The following CHD9 variants were observed in gnomAD, a reference collection of about 807,000 sequenced individuals.
The protein encoded by CHD9 is ATP-dependent chromatin remodeler CHD9.
In CHD9, 77 loss-of-function variants were observed where a neutral mutation model predicts 316.1. The observed-to-expected ratio is 0.24, with a 90% CI of 0.20 to 0.29. The LOEUF (loss-of-function observed/expected upper bound fraction) is 0.29. Among genes scored for constraint, CHD9 ranks in the 10% least tolerant of loss-of-function variants. The pLI, the probability that CHD9 is intolerant of heterozygous loss-of-function variation, is 1.00. For synonymous variants in CHD9, 1,129 were observed against 1,158.3 expected (o/e 0.97, Z 0.51); for missense variants, 2,763 against 3,438.1 (o/e 0.80, Z 4.91).
chr16:53,306,372 T>C lies in CHD9; in HGVS notation c.6755T>C (p.Met2252Thr). The change falls in exon 32 of 39, where the codon ATG becomes ACG. Residue 2252 changes from methionine to threonine, a missense_variant. Coordinates refer to ENST00000447540, the MANE Select transcript of CHD9 (RefSeq NM_001308319.2). ...ESAYILQGGYMLAASYWPKDR... is the reference protein window; with the variant it reads ...ESAYILQGGYTLAASYWPKDR... ...GCTTATATCTTACAAGGTGGATATATGCTGGCAGCCTCGTATTGGCCAAAG... is the reference window on the plus strand; with the variant it reads ...GCTTATATCTTACAAGGTGGATATACGCTGGCAGCCTCGTATTGGCCAAAG... The C allele has an allele frequency of 1.3e-6, 2 of 1,597,240 alleles. No homozygotes were observed. Among genetic ancestry groups the C allele is most frequent in the Non-Finnish European group, 1.7e-6 (2 of 1,174,502 alleles).
At chr16:53,288,822 T>G (rs911036528) in intron 27 of CHD9, among the ~76,000 whole-genome samples, 2 of 152,064 alleles carry the variant, frequency 1.3e-5, no homozygotes, top group Non-Finnish European at 2.9e-5. Context: ...TAGACCCACC[T>G]TCTCTTGAGT....
chr16:53,199,433 T>G (rs1272544469), intron 2 of CHD9, among the ~76,000 whole-genome samples: 1 of 152,210 alleles, frequency 6.6e-6, no homozygotes, highest in African/African-American at 2.4e-5. Flanking sequence ...TTTCACCTTT[T>G]GTTTTACTTA....
chr16:53,062,509 A>T (rs1165244506), intron 1 of CHD9, among the ~76,000 whole-genome samples: 2 of 152,184 alleles, frequency 1.3e-5, no homozygotes, highest in Admixed American at 6.5e-5. Context: ...TGGGAGGTAC[A>T]CGCAGGGAGG....
intron 1 of CHD9, among the ~76,000 whole-genome samples, chr16:53,072,276 T>G (rs1229114683): frequency 1.3e-5 from 2 of 151,550 alleles, no homozygotes; most frequent in Non-Finnish European, 2.9e-5. Context: ...CCAAAACTCA[T>G]TTTTCCATTT....
chr16:53,257,311 A>T (rs1270916766), intron 19 of CHD9, among the ~76,000 whole-genome samples: 5 of 152,196 alleles, frequency 3.3e-5, no homozygotes, highest in Non-Finnish European at 7.3e-5. Flanking sequence ...ATTTTGAGGA[A>T]TTTGAAATTG....
At chr16:53,228,936 A>G (rs1180809001) in intron 7 of CHD9, 47 bp from the exon 8 acceptor site, 2 of 868,734 alleles carry the variant, frequency 2.3e-6, no homozygotes, top group Non-Finnish European at 3.5e-6. Flanking sequence ...ACATCTTAAA[A>G]TGGTTATCTG....
At chr16:53,118,544 C>CT (rs2038494026) in intron 1 of CHD9, among the ~76,000 whole-genome samples, 1 of 152,190 alleles carries the variant, frequency 6.6e-6, no homozygotes, top group Non-Finnish European at 1.5e-5. Flanking sequence ...AAAATGTTCT[C>CT]TAAGATCCCA....
intron 16 of CHD9, among the ~76,000 whole-genome samples, chr16:53,249,072 C>T (rs1028448455): frequency 2.0e-5 from 3 of 151,902 alleles, no homozygotes; most frequent in African/African-American, 4.8e-5. Context: ...AATCTTCTTA[C>T]GTGGAGAACT....
intron 1 of CHD9, among the ~76,000 whole-genome samples, chr16:53,104,927 G>A (rs2037196788): frequency 6.6e-6 from 1 of 151,858 alleles, no homozygotes. Flanking sequence ...CCGAACGCCT[G>A]GGCCCAAGCT....
At chr16:53,187,140 G>A (rs2044085901) in intron 2 of CHD9, among the ~76,000 whole-genome samples, 1 of 152,162 alleles carries the variant, frequency 6.6e-6, no homozygotes, top group Non-Finnish European at 1.5e-5. Context: ...CAGAAGATGT[G>A]TATTTCGAGA....
intron 1 of CHD9, among the ~76,000 whole-genome samples, chr16:53,100,551 T>G (rs566003872): frequency 6.6e-6 from 1 of 150,898 alleles, no homozygotes; most frequent in East Asian, 2.0e-4. Flanking sequence ...CTGGGACTCC[T>G]GAGCTCAAGT....
chr16:53,157,215 G>C lies in CHD9; in HGVS notation c.1126G>C (p.Asp376His), dbSNP rs1283995929. ...AGGAACTCAAATGGGCCATTTCAAT[G>C]ATCATGTAGAAACTAATGGCTTTTC... Reference protein sequence around the residue: ...DSGTQMGHFNDHVETNGFSSL... With the variant: ...DSGTQMGHFNHHVETNGFSSL... The change falls in exon 2 of 39, where the codon GAT becomes CAT. Residue 376 changes from aspartate to histidine, a missense_variant. Physicochemically the swap from Asp to His is moderately conservative, Grantham distance 81 (BLOSUM62 -1). Transcript: ENST00000447540. 6.2e-7 allele frequency: 1 copy of C among 1,603,194 alleles called. No homozygotes were observed. The highest frequency in any genetic ancestry group is 8.5e-7 in the Non-Finnish European group (1 of 1,174,112).
intron 22 of CHD9, among the ~76,000 whole-genome samples, chr16:53,271,825 A>G (rs892312344): frequency 1.3e-5 from 2 of 152,154 alleles, no homozygotes; most frequent in African/African-American, 4.8e-5. Context: ...AAATCTTGTT[A>G]GGAAGAAAAT....
At chr16:53,119,561 G>A (rs973244051) in intron 1 of CHD9, among the ~76,000 whole-genome samples, 3 of 152,110 alleles carry the variant, frequency 2.0e-5, no homozygotes, top group African/African-American at 4.8e-5. Context: ...ATCTGGGCAT[G>A]GTGGCTCACA....
chr16:53,206,196 G>A lies in CHD9; in HGVS notation c.1453-3286G>A, dbSNP rs1177269895. Reference sequence around the variant, plus strand: ...TCGAACTCCCGACCTCAGGTGATCCGCCCACCTCGGCCTCCCAAAGTGCTG... The same window carrying A: ...TCGAACTCCCGACCTCAGGTGATCCACCCACCTCGGCCTCCCAAAGTGCTG... On this transcript the variant is annotated intron_variant, in intron 2 of 38. Transcript: ENST00000447540. 7.9e-5 allele frequency among the ~76,000 whole-genome samples: 12 copies of A among 151,764 alleles called. No homozygotes were observed. The East Asian group carries it at 1.9e-3, about 25-fold the overall frequency.
intron 1 of CHD9, among the ~76,000 whole-genome samples, chr16:53,153,906 G>C (rs1245073860): frequency 6.6e-6 from 1 of 152,130 alleles, no homozygotes; most frequent in East Asian, 1.9e-4. Flanking sequence ...TTGTAGGTAG[G>C]AAACACAGTT....
At position 53,150,848 on chromosome 16, in the gene CHD9, G is replaced by C. The variant is rs1200131318; in HGVS notation, c.-164-5078G>C. Among the ~76,000 whole-genome samples the C allele has an allele frequency of 3.9e-5, 6 of 152,274 alleles. 1 individual carries two copies. In the South Asian group the frequency reaches 1.0e-3, roughly 26 times the overall value. On this transcript the variant is annotated intron_variant, in intron 1 of 38. Coordinates refer to ENST00000447540, the MANE Select transcript of CHD9 (RefSeq NM_001308319.2). ...CTGATGAGAAATCCACTTGTATCTT[G>C]TTGAGGCCCTTGTGTACTTGATGAG...
chr16:53,161,076 C>A (rs1054347362), intron 2 of CHD9, among the ~76,000 whole-genome samples: 5 of 151,846 alleles, frequency 3.3e-5, no homozygotes, highest in Non-Finnish European at 5.9e-5. Flanking sequence ...AATAGTGAGA[C>A]CCTGTCTCAA....
At position 53,231,502 on chromosome 16, in the gene CHD9, T is replaced by A; in HGVS notation, c.2370T>A (p.Gly790=). Residue 790 remains glycine (G), a synonymous_variant, in exon 9 of 39, where the codon GGT becomes GGA. Transcript: ENST00000447540. ...CTTTTTGTGAAGATAAGGATACTGGTGAGGTAAATATATGGTAAAAAGATT... is the reference window on the plus strand; with the variant it reads ...CTTTTTGTGAAGATAAGGATACTGGAGAGGTAAATATATGGTAAAAAGATT... The part of the protein sequence containing the change: ...EVSFCEDKDT[G]EPVIYYLVKW... 6.4e-7 allele frequency: 1 copy of A among 1,564,052 alleles called. No homozygotes were observed. Among genetic ancestry groups the A allele is most frequent in the Non-Finnish European group, 8.8e-7 (1 of 1,138,792 alleles).
Sources: allele counts gnomAD v4.1 joint callset (sites outside exome capture counted in the v4.1 genomes callset), GRCh38; gene constraint gnomAD v4.1.1; transcripts MANE v1.5; gene names NCBI Gene and HGNC (gene_info 2026-07-23, HGNC 2026-07-21).